Variants in ZNF804A observed in about 807,000 individuals in gnomAD.
ZNF804A encodes zinc finger protein 804A.
Under a neutral mutation model 16.5 loss-of-function variants are expected in ZNF804A, and 2 were observed. The ratio of observed to expected loss-of-function variants is 0.12; its 90% CI spans 0.05 to 0.38. The LOEUF (loss-of-function observed/expected upper bound fraction) is 0.38, where lower values mean the gene tolerates loss of function less well. Ranked by LOEUF, ZNF804A falls within the 10% of genes least tolerant of loss-of-function variation. The pLI, the probability that ZNF804A is intolerant of heterozygous loss-of-function variation, is 0.99. For missense variants in ZNF804A, 1,473 were observed against 1,390.7 expected, an observed-to-expected ratio of 1.06 and a Z score of -0.94; for synonymous variants, 534 against 489.6, an observed-to-expected ratio of 1.09 and a Z score of -1.20.
At chr2:184,607,088 A>T (rs1691159022) in intron 1 of ZNF804A, among the ~76,000 whole-genome samples, 1 of 152,222 alleles carries the variant, frequency 6.6e-6, no homozygotes, top group Non-Finnish European at 1.5e-5. Context: ...GGTTTACAAT[A>T]ACTTTATCTG....
chr2:184,916,953 T>A (rs1333614416), intron 2 of ZNF804A, among the ~76,000 whole-genome samples: 1 of 152,196 alleles, frequency 6.6e-6, no homozygotes, highest in Non-Finnish European at 1.5e-5. Flanking sequence ...TATTAAGGAC[T>A]AGGAATCTAT....
intron 2 of ZNF804A, among the ~76,000 whole-genome samples, chr2:184,918,447 C>A (rs1057173085): frequency 6.6e-6 from 1 of 152,040 alleles, no homozygotes; most frequent in African/African-American, 2.4e-5. Flanking sequence ...GTCCCATGTT[C>A]ACCTCTTGAT....
intron 2 of ZNF804A, among the ~76,000 whole-genome samples, chr2:184,907,444 T>A (rs1356314869): frequency 6.6e-6 from 1 of 152,198 alleles, no homozygotes; most frequent in African/African-American, 2.4e-5. Context: ...GGAATATGCC[T>A]CCCTCTTCTG....
At chr2:184,618,011 C>T (rs1691353779) in intron 1 of ZNF804A, among the ~76,000 whole-genome samples, 1 of 151,904 alleles carries the variant, frequency 6.6e-6, no homozygotes. Context: ...CTTGTGGACA[C>T]TAGAGTATGG....
At chr2:184,639,068 C>CTTTT (rs34389839) in intron 1 of ZNF804A, among the ~76,000 whole-genome samples, 75 of 107,402 alleles carry the variant, frequency 7.0e-4, no homozygotes, top group African/African-American at 9.3e-4. Flanking sequence ...AAGCCCCCTC[C>CTTTT]TTTTTTTTTT....
chr2:184,808,303 A>G (rs894828623), intron 1 of ZNF804A, among the ~76,000 whole-genome samples: 9 of 151,400 alleles, frequency 5.9e-5, no homozygotes, highest in Non-Finnish European at 5.9e-5. Flanking sequence ...ATGTTTTCCT[A>G]TGTTCTTTGA....
At chr2:184,673,649 A>G (rs1692374711) in intron 1 of ZNF804A, among the ~76,000 whole-genome samples, 2 of 152,142 alleles carry the variant, frequency 1.3e-5, no homozygotes, top group Admixed American at 6.6e-5. Flanking sequence ...TGAGCTGACA[A>G]TCTATTAAGT....
chr2:184,658,565 G>A (rs184369373), intron 1 of ZNF804A, among the ~76,000 whole-genome samples: 1 of 152,144 alleles, frequency 6.6e-6, no homozygotes, highest in Non-Finnish European at 1.5e-5. Flanking sequence ...TTAGACTATG[G>A]AGGAGAAGGA....
intron 1 of ZNF804A, among the ~76,000 whole-genome samples, chr2:184,842,216 C>T (rs1206744689): frequency 3.9e-5 from 6 of 152,114 alleles, no homozygotes; most frequent in Non-Finnish European, 8.8e-5. Context: ...GTCAAGTGCA[C>T]AGACTATCAC....
At chr2:184,840,256 G>T (rs1695415854) in intron 1 of ZNF804A, among the ~76,000 whole-genome samples, 1 of 152,088 alleles carries the variant, frequency 6.6e-6, no homozygotes. Flanking sequence ...TGGACATGGT[G>T]GCACCCACCT....
At chr2:184,648,744 A>C (rs1049250836) in intron 1 of ZNF804A, among the ~76,000 whole-genome samples, 7 of 152,176 alleles carry the variant, frequency 4.6e-5, no homozygotes, top group Admixed American at 3.3e-4. Flanking sequence ...TAACTAAACT[A>C]TATGTATACT....
intron 2 of ZNF804A, among the ~76,000 whole-genome samples, chr2:184,883,300 A>G (rs1294395615): frequency 6.6e-6 from 1 of 152,066 alleles, no homozygotes; most frequent in Non-Finnish European, 1.5e-5. Context: ...ACCAGCCAGA[A>G]AAAACCCAGG....
At chr2:184,886,348 C>G (rs1269802929) in intron 2 of ZNF804A, among the ~76,000 whole-genome samples, 1 of 152,194 alleles carries the variant, frequency 6.6e-6, no homozygotes, top group Non-Finnish European at 1.5e-5. Flanking sequence ...CAGCCTCCCT[C>G]CCAGCTGCTT....
chr2:184,707,299 A>G (rs757780248), intron 1 of ZNF804A, among the ~76,000 whole-genome samples: 5 of 152,042 alleles, frequency 3.3e-5, no homozygotes, highest in Non-Finnish European at 7.4e-5. Context: ...TTATTCTATA[A>G]TTGCAACTTT....
chr2:184,638,767 T>A (rs1691743865), intron 1 of ZNF804A, among the ~76,000 whole-genome samples: 1 of 151,700 alleles, frequency 6.6e-6, no homozygotes, highest in Non-Finnish European at 1.5e-5. Flanking sequence ...GTTTCAATGG[T>A]TTAAAAATCA....
intron 1 of ZNF804A, among the ~76,000 whole-genome samples, chr2:184,719,928 T>C (rs1693279269): frequency 6.6e-6 from 1 of 152,206 alleles, no homozygotes; most frequent in Admixed American, 6.5e-5. Flanking sequence ...TGCCCCACTC[T>C]TCTGAATATC....
chr2:184,797,320 C>T (rs1401674989), intron 1 of ZNF804A, among the ~76,000 whole-genome samples: 1 of 152,100 alleles, frequency 6.6e-6, no homozygotes, highest in Non-Finnish European at 1.5e-5. Flanking sequence ...GATTTAGGTG[C>T]ATATATGTTT....
chr2:184,622,008 T>G (rs1034990444), intron 1 of ZNF804A, among the ~76,000 whole-genome samples: 1 of 151,860 alleles, frequency 6.6e-6, no homozygotes. Flanking sequence ...AATTTGACTG[T>G]TCTGTATACA....
chr2:184,850,169 A>T (rs1290803933), intron 1 of ZNF804A, among the ~76,000 whole-genome samples: 3 of 151,848 alleles, frequency 2.0e-5, no homozygotes, highest in Non-Finnish European at 1.5e-5. Flanking sequence ...CAACAGGATG[A>T]CTACAGCCAG....
Sources: gnomAD v4.1 joint callset for allele counts (sites outside exome capture counted in the v4.1 genomes callset) on GRCh38, gnomAD v4.1.1 for gene constraint, MANE v1.5 for transcripts, NCBI Gene and HGNC (gene_info 2026-07-23, HGNC 2026-07-21) for gene names.